Variants in STK32B observed in about 807,000 individuals in gnomAD.
STK32B encodes the protein serine/threonine kinase 32B, also known as serine/threonine-protein kinase 32B.
In STK32B, 43 loss-of-function variants were observed where a neutral mutation model predicts 52.6. That is an observed-to-expected ratio of 0.82 (90% confidence interval 0.64 to 1.05). STK32B has a LOEUF of 1.05. Ranked by LOEUF, STK32B falls within the 50% of genes least tolerant of loss-of-function variation. The pLI, the probability that STK32B is intolerant of heterozygous loss-of-function variation, is 0.00. For missense variants in STK32B, 621 were observed against 534.6 expected (o/e 1.16, Z -1.59); for synonymous variants, 238 against 204.3 (o/e 1.17, Z -1.41).
At chr4:5,140,378 G>C (rs1716346680) in intron 2 of STK32B, 1 of 1,098,344 alleles carries the variant, frequency 9.1e-7, no homozygotes, top group South Asian at 2.0e-5. Context: ...GATGGCAGGA[G>C]TTTTTAGAAA....
intron 1 of STK32B, among the ~76,000 whole-genome samples, chr4:5,085,324 A>G (rs1478013425): frequency 1.3e-5 from 2 of 152,234 alleles, no homozygotes; most frequent in Non-Finnish European, 2.9e-5. Flanking sequence ...TACTGTAATT[A>G]TTTTTATACT....
chr4:5,121,454 A>C (rs1218192210), intron 1 of STK32B, among the ~76,000 whole-genome samples: 1 of 152,204 alleles, frequency 6.6e-6, no homozygotes, highest in Non-Finnish European at 1.5e-5. Flanking sequence ...GGATTAGGGA[A>C]CAGATCATAA....
the STK32B span, among the ~76,000 whole-genome samples, chr4:5,027,799 A>G: frequency 6.6e-6 from 1 of 152,138 alleles, no homozygotes; most frequent in Admixed American, 6.5e-5. Flanking sequence ...CTGCCCTCTC[A>G]TGCCCCTACC....
chr4:5,082,160 C>T (rs1196997445), intron 1 of STK32B, among the ~76,000 whole-genome samples: 1 of 151,634 alleles, frequency 6.6e-6, no homozygotes, highest in African/African-American at 2.4e-5. Flanking sequence ...AGATTGTGTT[C>T]TTAATCCTGC....
intron 1 of STK32B, among the ~76,000 whole-genome samples, chr4:5,124,193 A>C (rs1033070952): frequency 2.0e-5 from 3 of 152,068 alleles, no homozygotes; most frequent in Non-Finnish European, 2.9e-5. Flanking sequence ...AAATTACATA[A>C]TTTTGCTCTC....
chr4:5,188,216 C>T (rs902712529), intron 3 of STK32B, among the ~76,000 whole-genome samples: 20 of 152,146 alleles, frequency 1.3e-4, no homozygotes, highest in Admixed American at 3.3e-4. Flanking sequence ...TGGGAGGTGG[C>T]GGCTGTGCAG....
At chr4:5,299,647 C>T (rs1227088020) in intron 3 of STK32B, among the ~76,000 whole-genome samples, 2 of 152,154 alleles carry the variant, frequency 1.3e-5, no homozygotes, top group African/African-American at 4.8e-5. Context: ...GTACCAGAAT[C>T]ATGCTGCTTT....
intron 11 of STK32B, among the ~76,000 whole-genome samples, chr4:5,487,984 A>G (rs1395044712): frequency 2.0e-5 from 3 of 152,202 alleles, no homozygotes; most frequent in African/African-American, 4.8e-5. Flanking sequence ...TTTAAAAAAG[A>G]GAGTTGAATT....
At chr4:5,079,395 AT>A (rs1287528122) in intron 1 of STK32B, among the ~76,000 whole-genome samples, 1 of 152,190 alleles carries the variant, frequency 6.6e-6, no homozygotes, top group Non-Finnish European at 1.5e-5. Flanking sequence ...CCAAATTATT[AT>A]TCATAAAATT....
rs1001664044 is a variant in STK32B, at chr4:5,117,988, T to C, written c.53-21917T>C. Among the ~76,000 whole-genome samples, 3 of 152,216 alleles carry C rather than the reference T, an allele frequency of 2.0e-5. No individual in the cohort carries two copies. In the East Asian group the frequency reaches 5.8e-4, roughly 29 times the overall value. On this transcript the variant is annotated intron_variant, in intron 1 of 11. Coordinates refer to ENST00000282908, the MANE Select transcript of STK32B (RefSeq NM_018401.3). ...TTGTTGAGGATTTTTGCATCTATGT[T>C]CCTCAGGGATGTCGGCCTGTAAGTT...
chr4:5,176,321 C>T (rs981176806), intron 3 of STK32B, among the ~76,000 whole-genome samples: 2 of 152,136 alleles, frequency 1.3e-5, no homozygotes, highest in Non-Finnish European at 2.9e-5. Flanking sequence ...CACCCACTGT[C>T]CGGCACTCCC....
the STK32B span, chr4:5,019,618 C>G: frequency 1.5e-6 from 1 of 653,830 alleles, no homozygotes; most frequent in Non-Finnish European, 2.2e-6. Context: ...GGAATCCTCT[C>G]AGACACGAAA....
chr4:5,171,315 G>T lies in STK32B; in HGVS notation c.260+2865G>T, dbSNP rs1360233029. 4.6e-4 allele frequency among the ~76,000 whole-genome samples: 70 copies of T among 152,112 alleles called. 1 individual carries two copies. The highest frequency in any genetic ancestry group is 9.4e-4 in the Non-Finnish European group (64 of 67,994). ...GTGCAGAAGCTCTTTAGTTTAATGA[G>T]ATCCCATTTGTCAATTTTGGCTTTT... is the stretch of plus-strand genomic sequence containing the variant. On this transcript the variant is annotated intron_variant, in intron 3 of 11. Coordinates refer to ENST00000282908, the MANE Select transcript of STK32B (RefSeq NM_018401.3).
the STK32B span, among the ~76,000 whole-genome samples, chr4:5,036,918 G>A: frequency 2.0e-5 from 3 of 151,838 alleles, no homozygotes; most frequent in East Asian, 1.9e-4. Context: ...TGCCCACCTC[G>A]GCCTCCCAAA....
At chr4:5,142,928 C>T (rs1440744588) in intron 2 of STK32B, among the ~76,000 whole-genome samples, 1 of 152,120 alleles carries the variant, frequency 6.6e-6, no homozygotes, top group African/African-American at 2.4e-5. Flanking sequence ...GGCTGACTTC[C>T]CTGATGAAGG....
chr4:5,176,117 C>G (rs569204994), intron 3 of STK32B, among the ~76,000 whole-genome samples: 2 of 152,234 alleles, frequency 1.3e-5, no homozygotes, highest in African/African-American at 4.8e-5. Context: ...GGGATATAAT[C>G]TCCTGGTGTG....
intron 2 of STK32B, among the ~76,000 whole-genome samples, chr4:5,147,262 C>A (rs1716983870): frequency 6.6e-6 from 1 of 151,972 alleles, no homozygotes; most frequent in Non-Finnish European, 1.5e-5. Flanking sequence ...TATAAAAATA[C>A]AATAAAATTT....
chr4:5,482,636 A>G (rs1718813075), intron 11 of STK32B, among the ~76,000 whole-genome samples: 2 of 152,148 alleles, frequency 1.3e-5, no homozygotes, highest in African/African-American at 2.4e-5. Flanking sequence ...GAATAGGAGT[A>G]GTGAGAGAGG....
chr4:5,379,615 G>A (rs1004826452), intron 4 of STK32B, among the ~76,000 whole-genome samples: 4 of 152,116 alleles, frequency 2.6e-5, no homozygotes, highest in African/African-American at 9.7e-5. Context: ...GTTAAAGTGA[G>A]GTCATTAGGA....
Sources: gnomAD v4.1 joint callset for allele counts (sites outside exome capture counted in the v4.1 genomes callset) on GRCh38, gnomAD v4.1.1 for gene constraint, MANE v1.5 for transcripts, NCBI Gene and HGNC (gene_info 2026-07-23, HGNC 2026-07-21) for gene names.